Variants in RIC8B observed in about 807,000 individuals in gnomAD.
RIC8B encodes chaperone Ric-8B.
A neutral mutation model predicts 57.5 loss-of-function variants in RIC8B; 16 were observed. That is an observed-to-expected ratio of 0.28 (90% CI 0.19 to 0.42). The LOEUF is 0.42. Among genes scored for constraint, RIC8B ranks in the 10% least tolerant of loss-of-function variants. The pLI, the probability that RIC8B is intolerant of heterozygous loss-of-function variation, is 1.00. For synonymous variants in RIC8B, 216 were observed against 250.8 expected, an observed-to-expected ratio of 0.86 and a Z score of 1.31; for missense variants, 481 against 677.0, an observed-to-expected ratio of 0.71 and a Z score of 3.21.
intron 3 of RIC8B, 52 bp from the exon 4 acceptor site, chr12:106,825,674 A>G: frequency 1.5e-6 from 2 of 1,339,378 alleles, no homozygotes; most frequent in Middle Eastern, 1.8e-4. Flanking sequence ...AGCAGACCCC[A>G]CTGTTCAGGC....
In RIC8B at chr12:106,842,754, C is replaced by G; in HGVS notation, c.1002C>G (p.Tyr334Ter). Residue 334 changes from tyrosine to a stop codon, truncating the protein, a stop_gained, in exon 5 of 10, where the codon TAC becomes TAG. Transcript: ENST00000392837. LOFTEE classifies it high-confidence loss of function. Reference protein sequence around the residue: ...ETVLKNNTMVYNGMNMEAIHV... With the variant: ...ETVLKNNTMV ...TTTTGAAAAACAATACCATGGTATACAATGGTATGAATATGGAGGCCATTC... is the reference window on the plus strand; with the variant it reads ...TTTTGAAAAACAATACCATGGTATAGAATGGTATGAATATGGAGGCCATTC... 1 of 1,613,518 alleles carries G rather than the reference C, an allele frequency of 6.2e-7. No individual in the cohort carries two copies. The highest frequency in any genetic ancestry group is 8.5e-7 in the Non-Finnish European group (1 of 1,179,632).
At chr12:106,781,048 T>C (rs1018388359) in intron 1 of RIC8B, among the ~76,000 whole-genome samples, 1 of 152,214 alleles carries the variant, frequency 6.6e-6, no homozygotes, top group African/African-American at 2.4e-5. Context: ...AAACCTGTAG[T>C]GAGAGTCCTC....
In RIC8B at chr12:106,856,278, A is replaced by G. The variant is rs1373379278; in HGVS notation, c.1307-3990A>G. ...AACAGAGGGATTGGTGTAAAACACA[A>G]ATATAATCTTGTCATTCCCCTCATA... On this transcript the variant is annotated intron_variant, in intron 7 of 9. Transcript: ENST00000392837. 3.3e-5 allele frequency among the ~76,000 whole-genome samples: 5 copies of G among 152,204 alleles called. No individual in the cohort carries two copies. The East Asian group carries it at 9.6e-4, about 29-fold the overall frequency.
At chr12:106,781,140 G>C (rs992123414) in intron 1 of RIC8B, among the ~76,000 whole-genome samples, 74 of 152,014 alleles carry the variant, frequency 4.9e-4, no homozygotes, top group African/African-American at 1.8e-3. Context: ...TTTTTAAATG[G>C]GGTTTTATCG....
At chr12:106,801,352 G>T (rs1273122374) in intron 2 of RIC8B, among the ~76,000 whole-genome samples, 1 of 152,154 alleles carries the variant, frequency 6.6e-6, no homozygotes, top group Non-Finnish European at 1.5e-5. Context: ...TCTTTCTCAG[G>T]ATTGCTAATT....
chr12:106,804,739 C>G (rs147327783), intron 2 of RIC8B, among the ~76,000 whole-genome samples: 2 of 152,294 alleles, frequency 1.3e-5, no homozygotes, highest in African/African-American at 4.8e-5. Flanking sequence ...TAAACAGACC[C>G]TGCCCCCGCC....
At position 106,774,728 on chromosome 12, in the gene RIC8B, TC is replaced by T; in HGVS notation, c.-13del. ...CTTGGGCGCGCAGAGCGGCCGCGGC[TC>T]CCCCGCACCTGCGGCCATGGATGAG... On this transcript the variant is annotated 5_prime_UTR_variant, in exon 1 of 10. Coordinates refer to ENST00000392837, the MANE Select transcript of RIC8B (RefSeq NM_001330145.2). 6.5e-7 allele frequency: 1 copy of T among 1,542,954 alleles called. No individual in the cohort carries two copies. The highest frequency in any genetic ancestry group is 8.8e-7 in the Non-Finnish European group (1 of 1,142,588).
At chr12:106,775,294 G>A (rs1566018979) in intron 1 of RIC8B, 3 of 455,734 alleles carry the variant, frequency 6.6e-6, no homozygotes, top group South Asian at 4.7e-5. Context: ...AGGCATTGAT[G>A]TCTCATCTAT....
chr12:106,825,720 C>T lies in RIC8B; in HGVS notation c.742-6C>T, dbSNP rs1353424042. The T allele has an allele frequency of 6.2e-7, 1 of 1,609,086 alleles. No homozygotes were observed. Reference sequence around the variant, plus strand: ...CAATGTTTCCTCTCTTTTTTATTTGCCATAGAGTGATTCTCATCAGTTCCG... The same window carrying T: ...CAATGTTTCCTCTCTTTTTTATTTGTCATAGAGTGATTCTCATCAGTTCCG... On this transcript the variant is annotated splice_polypyrimidine_tract_variant and splice_region_variant and intron_variant, in intron 3 of 9. Coordinates refer to ENST00000392837, the MANE Select transcript of RIC8B (RefSeq NM_001330145.2).
chr12:106,872,689 A>T (rs907991059), intron 9 of RIC8B, among the ~76,000 whole-genome samples: 1 of 151,198 alleles, frequency 6.6e-6, no homozygotes, highest in Non-Finnish European at 1.5e-5. Context: ...AAAAAAAACA[A>T]ACCCGACAGA....
chr12:106,859,191 A>G (rs79604906), intron 7 of RIC8B, among the ~76,000 whole-genome samples: 2,010 of 152,292 alleles, frequency 0.013, 56 homozygotes, highest in African/African-American at 0.046. Flanking sequence ...AATTTTCTCA[A>G]TTCTTATCTT....
At chr12:106,847,086 T>A (rs1302771666) in intron 6 of RIC8B, among the ~76,000 whole-genome samples, 1 of 152,162 alleles carries the variant, frequency 6.6e-6, no homozygotes, top group African/African-American at 2.4e-5. Context: ...TGGTCTATAT[T>A]CTGTGTTTGG....
intron 2 of RIC8B, among the ~76,000 whole-genome samples, chr12:106,813,409 C>G (rs1428807017): frequency 6.6e-6 from 1 of 152,046 alleles, no homozygotes; most frequent in Non-Finnish European, 1.5e-5. Flanking sequence ...CCAGGATGGT[C>G]TTGATCTCCT....
In RIC8B at chr12:106,774,708, G is replaced by A; in HGVS notation, c.-38G>A. 8 of 1,516,026 alleles carry A rather than the reference G, an allele frequency of 5.3e-6. No individual in the cohort carries two copies. The highest frequency in any genetic ancestry group is 7.1e-6 in the Non-Finnish European group (8 of 1,122,116). The allele number at this position is 1,516,026 out of a possible 1,614,324, so 93.9% of individuals were successfully genotyped here. Reference sequence around the variant, plus strand: ...CGTTTACCTGGAGGCAGCGGCTTGGGCGCGCAGAGCGGCCGCGGCTCCCCC... The same window carrying A: ...CGTTTACCTGGAGGCAGCGGCTTGGACGCGCAGAGCGGCCGCGGCTCCCCC... On this transcript the variant is annotated 5_prime_UTR_variant, in exon 1 of 10. Transcript: ENST00000392837.
At chr12:106,807,935 A>C (rs1232486976) in intron 2 of RIC8B, among the ~76,000 whole-genome samples, 1 of 152,018 alleles carries the variant, frequency 6.6e-6, no homozygotes, top group African/African-American at 2.4e-5. Flanking sequence ...AAATACAAAA[A>C]TTAGTGGGGT....
intron 4 of RIC8B, among the ~76,000 whole-genome samples, chr12:106,840,501 G>T (rs945751991): frequency 2.0e-5 from 3 of 152,130 alleles, no homozygotes; most frequent in Non-Finnish European, 4.4e-5. Context: ...GGTAGCTGGA[G>T]AATTTCATAC....
intron 2 of RIC8B, among the ~76,000 whole-genome samples, chr12:106,787,398 C>A (rs1176788178): frequency 6.6e-6 from 1 of 152,166 alleles, no homozygotes; most frequent in Non-Finnish European, 1.5e-5. Flanking sequence ...ATAAGCTTTT[C>A]AAGTTCTTAA....
chr12:106,814,172 C>A (rs1206300355), intron 2 of RIC8B, among the ~76,000 whole-genome samples: 1 of 152,054 alleles, frequency 6.6e-6, no homozygotes, highest in African/African-American at 2.4e-5. Flanking sequence ...GGAGGGGTCA[C>A]CTTTTTGCAA....
At chr12:106,798,142 C>A in intron 2 of RIC8B, 2 of 596,086 alleles carry the variant, frequency 3.4e-6, no homozygotes, top group Non-Finnish European at 3.1e-6. Context: ...TTAGGCATAT[C>A]GTAGATCTTT....
Sources: allele counts gnomAD v4.1 joint callset (sites outside exome capture counted in the v4.1 genomes callset), GRCh38; gene constraint gnomAD v4.1.1; transcripts MANE v1.5; gene names NCBI Gene and HGNC (gene_info 2026-07-23, HGNC 2026-07-21).